Variants in SCFD2 observed in about 807,000 individuals in gnomAD.
SCFD2 encodes the protein sec1 family domain-containing protein 2.
In SCFD2, 54 loss-of-function variants were observed where a neutral mutation model predicts 58.9. The observed-to-expected ratio is 0.92, with a 90% CI of 0.74 to 1.15. The LOEUF is 1.15. Ranked by LOEUF, SCFD2 falls within the 50% of genes most tolerant of loss-of-function variation. The pLI is 0.00. For synonymous variants in SCFD2, 321 were observed against 335.9 expected, an observed-to-expected ratio of 0.96 and a Z score of 0.49; for missense variants, 805 against 836.6, an observed-to-expected ratio of 0.96 and a Z score of 0.47.
intron 2 of SCFD2, among the ~76,000 whole-genome samples, chr4:53,325,475 G>A (rs1392729970): frequency 2.0e-5 from 3 of 152,180 alleles, no homozygotes; most frequent in African/African-American, 7.2e-5. Flanking sequence ...ACAGGACTGA[G>A]CTTCAAGTAC....
chr4:53,354,106 G>A (rs772280167), intron 1 of SCFD2, among the ~76,000 whole-genome samples: 9 of 152,360 alleles, frequency 5.9e-5, no homozygotes, highest in Non-Finnish European at 1.0e-4. Flanking sequence ...TTGGGCCGTC[G>A]ATGGGACAGG....
At chr4:53,142,485 T>C (rs944643218) in intron 5 of SCFD2, among the ~76,000 whole-genome samples, 3 of 152,214 alleles carry the variant, frequency 2.0e-5, no homozygotes, top group Non-Finnish European at 2.9e-5. Context: ...CGGAATAACA[T>C]GAGTGCAAAC....
intron 7 of SCFD2, among the ~76,000 whole-genome samples, chr4:52,891,777 CT>C (rs1344422087): frequency 6.6e-6 from 1 of 152,262 alleles, no homozygotes; most frequent in Admixed American, 6.5e-5. Flanking sequence ...CTGCTAGAGC[CT>C]GTCGGCTATT....
intron 5 of SCFD2, among the ~76,000 whole-genome samples, chr4:53,141,949 A>G (rs949614830): frequency 1.3e-5 from 2 of 152,018 alleles, no homozygotes; most frequent in Non-Finnish European, 2.9e-5. Context: ...GATCTTCCCC[A>G]CCAAATCCAC....
chr4:53,005,047 G>A (rs926371594), intron 5 of SCFD2, among the ~76,000 whole-genome samples: 5 of 152,150 alleles, frequency 3.3e-5, no homozygotes, highest in African/African-American at 9.7e-5. Flanking sequence ...ACAGGCATGT[G>A]CCACCACATC....
intron 3 of SCFD2, among the ~76,000 whole-genome samples, chr4:53,311,323 C>A (rs1290492574): frequency 6.6e-6 from 1 of 152,082 alleles, no homozygotes; most frequent in Non-Finnish European, 1.5e-5. Context: ...TCACCCCAGC[C>A]CCTATCTAGA....
intron 4 of SCFD2, among the ~76,000 whole-genome samples, chr4:53,192,247 T>C (rs1727935814): frequency 6.6e-6 from 1 of 152,180 alleles, no homozygotes; most frequent in Non-Finnish European, 1.5e-5. Flanking sequence ...TCTTACATCT[T>C]GTTTCTACTG....
intron 5 of SCFD2, among the ~76,000 whole-genome samples, chr4:53,090,914 T>A (rs371167945): frequency 6.6e-6 from 1 of 152,172 alleles, no homozygotes; most frequent in East Asian, 1.9e-4. Flanking sequence ...TAAAGGGACT[T>A]GTTTACGTCC....
chr4:53,319,408 T>C (rs775348708), intron 2 of SCFD2, among the ~76,000 whole-genome samples: 6 of 152,176 alleles, frequency 3.9e-5, no homozygotes, highest in Non-Finnish European at 7.4e-5. Flanking sequence ...TACATATATA[T>C]CATTCATATA....
At chr4:52,875,567 T>G (rs369539658) in intron 8 of SCFD2, among the ~76,000 whole-genome samples, 209 of 151,906 alleles carry the variant, frequency 1.4e-3, no homozygotes, top group South Asian at 3.1e-3. Context: ...CTCCCAAAAT[T>G]GTCCCAGGTA....
At chr4:53,320,817 T>C (rs1188794570) in intron 2 of SCFD2, among the ~76,000 whole-genome samples, 1 of 152,178 alleles carries the variant, frequency 6.6e-6, no homozygotes, top group African/African-American at 2.4e-5. Context: ...ACAAAAAAAT[T>C]ACCAACAGCT....
intron 5 of SCFD2, among the ~76,000 whole-genome samples, chr4:53,087,418 T>G (rs1457788151): frequency 2.6e-5 from 4 of 152,130 alleles, no homozygotes; most frequent in Non-Finnish European, 1.5e-5. Flanking sequence ...CACTGCAACC[T>G]CACCTCCCGG....
At chr4:52,932,860 C>T (rs748479314) in intron 5 of SCFD2, among the ~76,000 whole-genome samples, 23 of 152,128 alleles carry the variant, frequency 1.5e-4, no homozygotes, top group Non-Finnish European at 2.8e-4. Context: ...TTTAAGCTCC[C>T]ACTAAATGAG....
intron 4 of SCFD2, among the ~76,000 whole-genome samples, chr4:53,170,481 T>C (rs1727148525): frequency 1.3e-5 from 2 of 152,170 alleles, no homozygotes; most frequent in African/African-American, 2.4e-5. Context: ...CCTCCAGCTT[T>C]GTTCTTTTTT....
In SCFD2 at chr4:53,352,849, A is replaced by G. The variant is rs1021912074; in HGVS notation, c.839-83T>C. ...ATAAATGTTTTATCACACACCTTCT[A>G]TCAAAAATAACATACATTTTTAGTT... On this transcript the variant is annotated intron_variant, in intron 1 of 8. Transcript: ENST00000401642. The G allele has an allele frequency of 4.3e-6, 5 of 1,166,220 alleles. No individual in the cohort carries two copies. The African/African-American group carries it at 6.1e-5, about 14-fold the overall frequency. The allele number at this position is 1,166,220 out of a possible 1,614,324, so 72.2% of individuals were successfully genotyped here.
chr4:53,343,380 A>G (rs561732241), intron 2 of SCFD2, among the ~76,000 whole-genome samples: 2 of 152,318 alleles, frequency 1.3e-5, no homozygotes, highest in South Asian at 4.1e-4. Context: ...CTAGACACTT[A>G]CACCCTCCCA....
chr4:53,160,443 A>ATT lies in SCFD2; in HGVS notation c.1312-14862_1312-14861insAA, dbSNP rs549616864. 2.9e-4 allele frequency among the ~76,000 whole-genome samples: 44 copies of ATT among 152,352 alleles called. No individual in the cohort carries two copies. In the South Asian group the frequency reaches 8.5e-3, roughly 29 times the overall value. ...GAATTTGCAGAGATTTTGAAGTTAAAGGCAGTGGTTTGTTGCTAGACTGAA... is the reference window on the plus strand; with the variant it reads ...GAATTTGCAGAGATTTTGAAGTTAAATTGGCAGTGGTTTGTTGCTAGACTGAA... On this transcript the variant is annotated intron_variant, in intron 4 of 8. Transcript: ENST00000401642.
At chr4:53,249,647 T>A (rs1186061227) in intron 4 of SCFD2, among the ~76,000 whole-genome samples, 3 of 152,282 alleles carry the variant, frequency 2.0e-5, no homozygotes, top group East Asian at 3.9e-4. Flanking sequence ...TGGGGGCCAA[T>A]AATCAACATT....
At position 53,268,024 on chromosome 4, in the gene SCFD2, T is replaced by C. The variant is rs149760955; in HGVS notation, c.1311+5802A>G. Among the ~76,000 whole-genome samples the C allele has an allele frequency of 8.9e-3, 1,353 of 152,232 alleles. 13 individuals are homozygous for C. Among genetic ancestry groups the C allele is most frequent in the Middle Eastern group, 0.048 (14 of 294 alleles). On this transcript the variant is annotated intron_variant, in intron 4 of 8. Transcript: ENST00000401642. Reference sequence around the variant, plus strand: ...GGCTCACTTTAGAGGACATGTGATGTAGACAGCAGCAGGGTGAAGAGATTG... The same window carrying C: ...GGCTCACTTTAGAGGACATGTGATGCAGACAGCAGCAGGGTGAAGAGATTG...
Sources: allele counts gnomAD v4.1 joint callset (sites outside exome capture counted in the v4.1 genomes callset), GRCh38; gene constraint gnomAD v4.1.1; transcripts MANE v1.5; gene names NCBI Gene and HGNC (gene_info 2026-07-23, HGNC 2026-07-21).